EFCAB11: variants seen among roughly 807,000 people sequenced by gnomAD.
EFCAB11 encodes the protein EF-hand calcium-binding domain-containing protein 11.
EFCAB11 carries 14 observed loss-of-function variants against 23.0 expected under a neutral mutation model. The observed-to-expected ratio is 0.61, with a 90% confidence interval of 0.40 to 0.95. The LOEUF (loss-of-function observed/expected upper bound fraction) is 0.95. Ranked by LOEUF, EFCAB11 falls within the 40% of genes least tolerant of loss-of-function variation. The pLI, the probability that EFCAB11 is intolerant of heterozygous loss-of-function variation, is 0.00. For missense variants in EFCAB11, 198 were observed against 195.8 expected (o/e 1.01, Z -0.07); for synonymous variants, 65 against 66.6 (o/e 0.98, Z 0.11).
At chr14:89,863,963 C>T (rs1201794107) in intron 5 of EFCAB11, among the ~76,000 whole-genome samples, 1 of 152,196 alleles carries the variant, frequency 6.6e-6, no homozygotes, top group African/African-American at 2.4e-5. Context: ...GATCATCAAA[C>T]TTTTCTTTAA....
At chr14:89,926,794 G>A (rs977047678) in intron 5 of EFCAB11, among the ~76,000 whole-genome samples, 2 of 152,114 alleles carry the variant, frequency 1.3e-5, no homozygotes, top group Non-Finnish European at 2.9e-5. Flanking sequence ...GAACATGAAA[G>A]ACAGTGGGGA....
At chr14:89,906,172 AAAATAAATAAATAAATAAAT>A (rs59351985) in intron 5 of EFCAB11, among the ~76,000 whole-genome samples, 4 of 145,068 alleles carry the variant, frequency 2.8e-5, no homozygotes, top group Admixed American at 6.9e-5. Context: ...TTAGAGCACT[AAAATAAATAAATAAATAAAT>A]AAATAAATAA....
intron 5 of EFCAB11, among the ~76,000 whole-genome samples, chr14:89,872,810 C>T (rs1888323902): frequency 6.6e-6 from 1 of 151,486 alleles, no homozygotes; most frequent in South Asian, 2.1e-4. Flanking sequence ...CAGACACACA[C>T]ACATGTGGAA....
Position 89,849,945 on chromosome 14 carries a change from T to G in EFCAB11, c.411-52621A>C, listed in dbSNP as rs73318878. Reference sequence around the variant, plus strand: ...TGAGAACTCTAGTGAATCTTTTATTTTCTCTGTTCCATTTCTCTTGTTCTC... The same window carrying G: ...TGAGAACTCTAGTGAATCTTTTATTGTCTCTGTTCCATTTCTCTTGTTCTC... On this transcript the variant is annotated intron_variant, in intron 5 of 5. Coordinates refer to ENST00000316738, the MANE Select transcript of EFCAB11 (RefSeq NM_145231.4). Among the ~76,000 whole-genome samples the G allele has an allele frequency of 2.3e-3, 346 of 152,286 alleles. 2 individuals are homozygous for G. The highest frequency in any genetic ancestry group is 8.0e-3 in the African/African-American group (334 of 41,548).
At chr14:89,875,033 G>C (rs529367450) in intron 5 of EFCAB11, among the ~76,000 whole-genome samples, 1 of 152,216 alleles carries the variant, frequency 6.6e-6, no homozygotes, top group African/African-American at 2.4e-5. Flanking sequence ...AGTCAGTGTA[G>C]TGCACATGCA....
At chr14:89,831,932 G>A (rs1310958617) in intron 5 of EFCAB11, among the ~76,000 whole-genome samples, 1 of 152,136 alleles carries the variant, frequency 6.6e-6, no homozygotes, top group Non-Finnish European at 1.5e-5. Flanking sequence ...GATATGGAGC[G>A]GGTGGTGGTG....
intron 5 of EFCAB11, among the ~76,000 whole-genome samples, chr14:89,825,250 CA>C (rs1566773116): frequency 6.6e-6 from 1 of 151,370 alleles, no homozygotes; most frequent in African/African-American, 2.4e-5. Flanking sequence ...ACCCATGGGT[CA>C]AAAAAGAAAA....
At chr14:89,798,681 TTG>T (rs1885657772) in intron 5 of EFCAB11, among the ~76,000 whole-genome samples, 1 of 152,224 alleles carries the variant, frequency 6.6e-6, no homozygotes, top group Admixed American at 6.5e-5. Context: ...TGATAATATT[TTG>T]TGTGTGTGCG....
chr14:89,823,597 C>G (rs1339729393), intron 5 of EFCAB11, among the ~76,000 whole-genome samples: 1 of 152,056 alleles, frequency 6.6e-6, no homozygotes, highest in Non-Finnish European at 1.5e-5. Context: ...AAAATGTGAC[C>G]AATAAGCAGG....
chr14:89,950,624 T>G lies in EFCAB11; in HGVS notation c.172-482A>C, dbSNP rs188262789. The stretch of plus-strand genomic sequence containing the variant: ...TCCAATGAAAATCATTGTTATCATT[T>G]TAGACTAATCAGCTTTTTTCCCCTA... On this transcript the variant is annotated intron_variant, in intron 2 of 5. Coordinates refer to ENST00000316738, the MANE Select transcript of EFCAB11 (RefSeq NM_145231.4). Among the ~76,000 whole-genome samples, 437 of 152,298 alleles carry G rather than the reference T, an allele frequency of 2.9e-3. 12 individuals carry two copies. Among genetic ancestry groups the G allele is most frequent in the Admixed American group, 0.027 (415 of 15,302 alleles).
At chr14:89,905,065 C>T (rs1449148603) in intron 5 of EFCAB11, among the ~76,000 whole-genome samples, 1 of 152,074 alleles carries the variant, frequency 6.6e-6, no homozygotes, top group Non-Finnish European at 1.5e-5. Context: ...GGAAGAGAGC[C>T]AAGTCACTTT....
intron 5 of EFCAB11, among the ~76,000 whole-genome samples, chr14:89,877,899 A>C (rs935947385): frequency 3.3e-5 from 5 of 152,214 alleles, no homozygotes; most frequent in Non-Finnish European, 7.4e-5. Flanking sequence ...GAGCAGTAAG[A>C]ACTCTGATTG....
At position 89,812,112 on chromosome 14, in the gene EFCAB11, A is replaced by C. The variant is rs537979195; in HGVS notation, c.411-14788T>G. 1.4e-4 allele frequency among the ~76,000 whole-genome samples: 21 copies of C among 152,342 alleles called. 2 individuals carry two copies. Among genetic ancestry groups the C allele is most frequent in the Admixed American group, 1.4e-3 (21 of 15,298 alleles). On this transcript the variant is annotated intron_variant, in intron 5 of 5. Coordinates refer to ENST00000316738, the MANE Select transcript of EFCAB11 (RefSeq NM_145231.4). ...CTGGAAAGGAACAAATATGCTTTTCACTTAGATTTCTGTCAGAATTTGGCA... is the reference window on the plus strand; with the variant it reads ...CTGGAAAGGAACAAATATGCTTTTCCCTTAGATTTCTGTCAGAATTTGGCA...
At chr14:89,934,627 T>C (rs1007623601) in intron 3 of EFCAB11, among the ~76,000 whole-genome samples, 2 of 149,886 alleles carry the variant, frequency 1.3e-5, no homozygotes, top group Non-Finnish European at 1.5e-5. Flanking sequence ...ATACGTACTG[T>C]AGCAAATTAG....
chr14:89,852,468 C>A (rs1887627628), intron 5 of EFCAB11, among the ~76,000 whole-genome samples: 1 of 152,160 alleles, frequency 6.6e-6, no homozygotes, highest in African/African-American at 2.4e-5. Flanking sequence ...TGGGGAGCAG[C>A]CCACATCCAA....
intron 5 of EFCAB11, among the ~76,000 whole-genome samples, chr14:89,810,322 A>C (rs1220804793): frequency 6.6e-6 from 1 of 152,234 alleles, no homozygotes; most frequent in African/African-American, 2.4e-5. Flanking sequence ...CCGTCAGCAT[A>C]AGAACATTTG....
intron 5 of EFCAB11, among the ~76,000 whole-genome samples, chr14:89,823,232 G>A (rs1026780111): frequency 6.6e-6 from 1 of 152,168 alleles, no homozygotes; most frequent in Non-Finnish European, 1.5e-5. Context: ...AGGAATATGG[G>A]CATCCACCAG....
Position 89,861,468 on chromosome 14 carries a change from A to T in EFCAB11, c.411-64144T>A, listed in dbSNP as rs550166307. The stretch of plus-strand genomic sequence containing the variant: ...TTCTCTGGTATCTGCTGCAGCCTGC[A>T]AACAGATGAAGACCTTTCTCATCAT... On this transcript the variant is annotated intron_variant, in intron 5 of 5. Transcript: ENST00000316738. Among the ~76,000 whole-genome samples the T allele has an allele frequency of 2.0e-5, 3 of 152,338 alleles. No individual in the cohort carries two copies. The East Asian group carries it at 5.8e-4, about 29-fold the overall frequency.
At chr14:89,808,353 G>A (rs528474871) in intron 5 of EFCAB11, among the ~76,000 whole-genome samples, 1 of 152,238 alleles carries the variant, frequency 6.6e-6, no homozygotes, top group African/African-American at 2.4e-5. Context: ...ACCAGTAAGT[G>A]AGTAATTTAC....
Sources: gnomAD v4.1 joint callset for allele counts (sites outside exome capture counted in the v4.1 genomes callset) on GRCh38, gnomAD v4.1.1 for gene constraint, MANE v1.5 for transcripts, NCBI Gene and HGNC (gene_info 2026-07-23, HGNC 2026-07-21) for gene names.